Variants in DLG2 observed in about 807,000 individuals in gnomAD.
DLG2 encodes the protein disks large homolog 2.
In DLG2, 45 loss-of-function variants were observed where a neutral mutation model predicts 132.5. The ratio of observed to expected loss-of-function variants is 0.34; its 90% confidence interval spans 0.27 to 0.44. DLG2 has a LOEUF of 0.44. DLG2 is among the 20% of genes least tolerant of loss of function. DLG2 has a pLI of 1.00. For synonymous variants in DLG2, 424 were observed against 419.6 expected (o/e 1.01, Z -0.13); for missense variants, 1,045 against 1,196.9 (o/e 0.87, Z 1.87).
intron 6 of DLG2, among the ~76,000 whole-genome samples, chr11:84,759,708 C>T (rs775429008): frequency 9.9e-5 from 15 of 152,102 alleles, no homozygotes; most frequent in Non-Finnish European, 2.2e-4. Flanking sequence ...AAGTGTTAGG[C>T]ATAATGATGG....
intron 6 of DLG2, among the ~76,000 whole-genome samples, chr11:84,676,873 G>A (rs2099712948): frequency 6.6e-6 from 1 of 151,962 alleles, no homozygotes; most frequent in Non-Finnish European, 1.5e-5. Context: ...AAATTAGGAT[G>A]GGGGAAAAGC....
intron 18 of DLG2, among the ~76,000 whole-genome samples, chr11:83,700,734 T>TA (rs5793084): frequency 0.31 from 46,628 of 151,216 alleles, 8,039 homozygotes; most frequent in African/African-American, 0.47. Flanking sequence ...GGAATGAAAA[T>TA]AAAAAAAAAC....
At chr11:84,226,885 A>G (rs2097003991) in intron 8 of DLG2, among the ~76,000 whole-genome samples, 1 of 151,960 alleles carries the variant, frequency 6.6e-6, no homozygotes, top group Non-Finnish European at 1.5e-5. Context: ...CAGGAGATCG[A>G]GACCATCCTG....
intron 17 of DLG2, among the ~76,000 whole-genome samples, chr11:83,831,912 A>G (rs115113815): frequency 0.013 from 1,985 of 152,268 alleles, 52 homozygotes; most frequent in African/African-American, 0.045. Flanking sequence ...ACAGGAAAAG[A>G]AAGGAAGAGG....
chr11:84,616,477 C>G (rs957843960), intron 6 of DLG2, among the ~76,000 whole-genome samples: 2 of 151,926 alleles, frequency 1.3e-5, no homozygotes, highest in South Asian at 4.1e-4. Context: ...GTTGCATGAC[C>G]GTACAGTTTG....
At chr11:83,466,302 T>A (rs930195835) in intron 26 of DLG2, among the ~76,000 whole-genome samples, 1 of 152,128 alleles carries the variant, frequency 6.6e-6, no homozygotes, top group African/African-American at 2.4e-5. Context: ...CTCAGAAGTA[T>A]GAGACAATTA....
In DLG2 at chr11:84,892,519, T is replaced by G. The variant is rs141392539; in HGVS notation, c.357+219142A>C. ...TAATAAATAAATTGAGTATTTTTAT[T>G]TATTTATATATGTTTTCTAAATTTA... On this transcript the variant is annotated intron_variant, in intron 6 of 27. Transcript: ENST00000376104. 1.3e-3 allele frequency among the ~76,000 whole-genome samples: 195 copies of G among 152,268 alleles called. 1 individual carries two copies. In the East Asian group the frequency reaches 0.028, roughly 22 times the overall value.
At chr11:84,050,103 T>C (rs2096332589) in intron 11 of DLG2, among the ~76,000 whole-genome samples, 1 of 150,198 alleles carries the variant, frequency 6.7e-6, no homozygotes, top group South Asian at 2.1e-4. Context: ...GAGAAAGAGA[T>C]CACAGAGTGC....
intron 6 of DLG2, among the ~76,000 whole-genome samples, chr11:84,680,543 G>A (rs1038668113): frequency 8.5e-5 from 13 of 152,262 alleles, no homozygotes; most frequent in Non-Finnish European, 1.9e-4. Flanking sequence ...CTACTGGGGT[G>A]TGAGAGCTTG....
chr11:84,919,420 T>C (rs1308618061), intron 6 of DLG2, among the ~76,000 whole-genome samples: 1 of 152,168 alleles, frequency 6.6e-6, no homozygotes, highest in African/African-American at 2.4e-5. Context: ...TTCTTAAAAG[T>C]TATTGTATTT....
intron 7 of DLG2, among the ~76,000 whole-genome samples, chr11:84,403,129 G>A (rs1384633985): frequency 2.0e-5 from 3 of 151,866 alleles, no homozygotes; most frequent in African/African-American, 7.3e-5. Context: ...AGGAACAGAT[G>A]GTTCAGTTGA....
intron 7 of DLG2, among the ~76,000 whole-genome samples, chr11:84,348,702 T>C (rs576090298): frequency 9.8e-5 from 15 of 152,312 alleles, no homozygotes; most frequent in African/African-American, 3.1e-4. Context: ...AATAGAGTCT[T>C]TGTAAATGTA....
chr11:84,839,575 G>A (rs997991352), intron 6 of DLG2, among the ~76,000 whole-genome samples: 1 of 152,066 alleles, frequency 6.6e-6, no homozygotes. Context: ...GAGGCATCAT[G>A]CAACCTGACT....
intron 25 of DLG2, 99 bp from the exon 26 acceptor site, chr11:83,466,916 G>A: frequency 2.7e-6 from 2 of 747,078 alleles, no homozygotes; most frequent in Non-Finnish European, 4.5e-6. Flanking sequence ...GGAAGGTAGG[G>A]GATGCTGGAT....
At chr11:83,761,110 T>C (rs2093887174) in intron 18 of DLG2, among the ~76,000 whole-genome samples, 2 of 152,174 alleles carry the variant, frequency 1.3e-5, no homozygotes, top group African/African-American at 2.4e-5. Context: ...GGAGCACATA[T>C]GGCTTCTGGT....
chr11:84,703,467 A>G (rs117182564), intron 6 of DLG2, among the ~76,000 whole-genome samples: 10,144 of 151,520 alleles, frequency 0.067, 426 homozygotes, highest in Non-Finnish European at 0.099. Flanking sequence ...TGATTCAACA[A>G]ATGAAGAAAA....
chr11:84,043,521 T>C (rs1448782929), intron 11 of DLG2, among the ~76,000 whole-genome samples: 1 of 151,744 alleles, frequency 6.6e-6, no homozygotes, highest in Non-Finnish European at 1.5e-5. Flanking sequence ...CTTTTCTCAC[T>C]CTCTTCCTCC....
intron 6 of DLG2, among the ~76,000 whole-genome samples, chr11:84,731,797 C>G (rs2063185459): frequency 1.3e-5 from 2 of 152,118 alleles, no homozygotes; most frequent in South Asian, 4.1e-4. Flanking sequence ...ATAAAATAAA[C>G]TGGAAATATT....
intron 9 of DLG2, among the ~76,000 whole-genome samples, chr11:84,120,595 G>A (rs1246225995): frequency 1.3e-5 from 2 of 152,160 alleles, no homozygotes; most frequent in Non-Finnish European, 2.9e-5. Context: ...TAAAGAGACT[G>A]GATGACAGAC....
Sources: allele counts gnomAD v4.1 joint callset (sites outside exome capture counted in the v4.1 genomes callset), GRCh38; gene constraint gnomAD v4.1.1; transcripts MANE v1.5; gene names NCBI Gene and HGNC (gene_info 2026-07-23, HGNC 2026-07-21).